The following XRCC4 variants were observed in gnomAD, a reference collection of about 807,000 sequenced individuals.
The protein encoded by XRCC4 is DNA repair protein XRCC4.
XRCC4 carries 28 observed loss-of-function variants against 39.1 expected under a neutral mutation model. The ratio of observed to expected loss-of-function variants is 0.72; its 90% CI spans 0.53 to 0.98. XRCC4 has a LOEUF of 0.98. Ranked by LOEUF, XRCC4 falls within the 50% of genes least tolerant of loss-of-function variation. The probability of loss-of-function intolerance (pLI) is 0.00; values close to 1 mark genes in which losing one functional copy is unlikely to be tolerated. For missense variants in XRCC4, 350 were observed against 376.4 expected (o/e 0.93, Z 0.58); for synonymous variants, 123 against 126.4 (o/e 0.97, Z 0.18).
intron 3 of XRCC4, among the ~76,000 whole-genome samples, chr5:83,133,660 G>A (rs1045889748): frequency 3.3e-5 from 5 of 152,188 alleles, no homozygotes; most frequent in African/African-American, 1.2e-4. Context: ...CAGTGAGCGA[G>A]GCTCCATGGG....
chr5:83,119,406 A>T (rs1175269359), intron 3 of XRCC4, among the ~76,000 whole-genome samples: 1 of 152,170 alleles, frequency 6.6e-6, no homozygotes, highest in Non-Finnish European at 1.5e-5. Context: ...AATTTTTGTG[A>T]TCTTTTTGGA....
intron 3 of XRCC4, among the ~76,000 whole-genome samples, chr5:83,134,774 C>T (rs7733330): frequency 0.48 from 73,608 of 151,966 alleles, 18,789 homozygotes; most frequent in African/African-American, 0.63. Context: ...GTTCGCTCTG[C>T]CTTTATGAGC....
At chr5:83,338,302 C>T (rs974009946) in intron 7 of XRCC4, among the ~76,000 whole-genome samples, 1 of 152,146 alleles carries the variant, frequency 6.6e-6, no homozygotes, top group Non-Finnish European at 1.5e-5. Context: ...ATAATAGTTA[C>T]ATACATAGTT....
intron 7 of XRCC4, among the ~76,000 whole-genome samples, chr5:83,350,057 T>C (rs543163763): frequency 3.3e-5 from 5 of 152,300 alleles, no homozygotes; most frequent in African/African-American, 1.2e-4. Flanking sequence ...AATTATGGCC[T>C]CCAGCTGCAT....
At chr5:83,143,680 C>T (rs1748292261) in intron 3 of XRCC4, among the ~76,000 whole-genome samples, 1 of 151,904 alleles carries the variant, frequency 6.6e-6, no homozygotes, top group Non-Finnish European at 1.5e-5. Flanking sequence ...TCTTGAAGGA[C>T]CTTTTCTCTG....
downstream of XRCC4, chr5:83,356,718 T>A (rs748791634): frequency 1.1e-5 from 5 of 454,766 alleles, no homozygotes; most frequent in African/African-American, 4.0e-5. Flanking sequence ...CACATTTTTT[T>A]AATTGTCTAT....
At chr5:83,088,541 A>ACT (rs3069513) in intron 1 of XRCC4, among the ~76,000 whole-genome samples, 74,033 of 151,946 alleles carry the variant, frequency 0.49, 18,820 homozygotes, top group African/African-American at 0.62. Context: ...AACTAACTTG[A>ACT]CTGAATAGCT....
downstream of XRCC4, among the ~76,000 whole-genome samples, chr5:83,357,590 G>A (rs917408337): frequency 1.4e-4 from 22 of 152,218 alleles, no homozygotes; most frequent in African/African-American, 4.1e-4. Context: ...GAATGAAGGA[G>A]ACAAGTTACA....
intron 3 of XRCC4, among the ~76,000 whole-genome samples, chr5:83,169,339 C>T (rs533738853): frequency 2.0e-5 from 3 of 152,202 alleles, no homozygotes; most frequent in African/African-American, 7.2e-5. Context: ...GATTGGACAA[C>T]TCAATTTCAG....
intron 6 of XRCC4, among the ~76,000 whole-genome samples, chr5:83,214,305 G>A (rs770687699): frequency 3.9e-5 from 6 of 152,018 alleles, no homozygotes; most frequent in Non-Finnish European, 8.8e-5. Flanking sequence ...GGAACACTAC[G>A]GAATTCACTA....
At chr5:83,279,111 A>T (rs542354617) in intron 7 of XRCC4, among the ~76,000 whole-genome samples, 1 of 147,420 alleles carries the variant, frequency 6.8e-6, no homozygotes, top group Non-Finnish European at 1.5e-5. Context: ...ATATATTTAT[A>T]TCTATATCAG....
chr5:83,272,539 G>A (rs575785002), intron 7 of XRCC4, among the ~76,000 whole-genome samples: 12 of 151,948 alleles, frequency 7.9e-5, no homozygotes, highest in Non-Finnish European at 1.5e-4. Flanking sequence ...GTTACGCCCC[G>A]TATGCATTAG....
chr5:83,186,110 A>G (rs556052267), intron 3 of XRCC4, among the ~76,000 whole-genome samples: 3 of 152,324 alleles, frequency 2.0e-5, no homozygotes, highest in South Asian at 4.1e-4. Context: ...AGATAATCAC[A>G]ACTTTTATGA....
chr5:83,086,781 T>TA (rs1745201877), intron 1 of XRCC4, among the ~76,000 whole-genome samples: 1 of 151,912 alleles, frequency 6.6e-6, no homozygotes, highest in African/African-American at 2.4e-5. Context: ...TTTATCTAGT[T>TA]TTTTTTTTCA....
At chr5:83,177,997 C>G (rs1750035882) in intron 3 of XRCC4, among the ~76,000 whole-genome samples, 1 of 151,922 alleles carries the variant, frequency 6.6e-6, no homozygotes, top group Non-Finnish European at 1.5e-5. Context: ...ACTAAGATAG[C>G]TGTAATTGAG....
At chr5:83,082,635 T>G (rs1744998799) in intron 1 of XRCC4, among the ~76,000 whole-genome samples, 1 of 152,246 alleles carries the variant, frequency 6.6e-6, no homozygotes, top group Non-Finnish European at 1.5e-5. Flanking sequence ...ACATCAGTCT[T>G]GTCCAACTTA....
At chr5:83,237,690 G>T (rs1206061426) in intron 6 of XRCC4, among the ~76,000 whole-genome samples, 4 of 152,012 alleles carry the variant, frequency 2.6e-5, no homozygotes, top group Non-Finnish European at 5.9e-5. Flanking sequence ...CTGTAGTTAG[G>T]AATGTACTGT....
intron 6 of XRCC4, among the ~76,000 whole-genome samples, chr5:83,238,988 C>T (rs1032302746): frequency 3.3e-5 from 5 of 152,214 alleles, no homozygotes; most frequent in Non-Finnish European, 4.4e-5. Context: ...TTCCTGTTCA[C>T]ACTAGACTGT....
chr5:83,162,236 T>C (rs1020025614), intron 3 of XRCC4, among the ~76,000 whole-genome samples: 1 of 152,192 alleles, frequency 6.6e-6, no homozygotes, highest in Non-Finnish European at 1.5e-5. Flanking sequence ...GAGTAGCTAT[T>C]GAAGTCAAGT....
Sources: gnomAD v4.1 joint callset for allele counts (sites outside exome capture counted in the v4.1 genomes callset) on GRCh38, gnomAD v4.1.1 for gene constraint, MANE v1.5 for transcripts, NCBI Gene and HGNC (gene_info 2026-07-23, HGNC 2026-07-21) for gene names.